The following PNPLA7 variants were observed in gnomAD, a reference collection of about 807,000 sequenced individuals.
PNPLA7 encodes patatin like domain 7, lysophospholipase.
A neutral mutation model predicts 161.7 loss-of-function variants in PNPLA7; 153 were observed. The ratio of observed to expected loss-of-function variants is 0.95; its 90% confidence interval spans 0.83 to 1.08. PNPLA7 has a LOEUF of 1.08. PNPLA7 is among the 50% of genes least tolerant of loss of function. The pLI is 0.00. For synonymous variants in PNPLA7, 809 were observed against 782.1 expected, an observed-to-expected ratio of 1.03 and a Z score of -0.57; for missense variants, 1,739 against 1,856.6, an observed-to-expected ratio of 0.94 and a Z score of 1.16.
chr9:137,548,577 G>A (rs1171413429), intron 1 of PNPLA7, among the ~76,000 whole-genome samples: 2 of 152,094 alleles, frequency 1.3e-5, no homozygotes, highest in Admixed American at 6.5e-5. Flanking sequence ...GTGAAACCCC[G>A]TCTCTACTAA....
chr9:137,531,068 C>A (rs1835557851), intron 8 of PNPLA7, among the ~76,000 whole-genome samples: 1 of 152,180 alleles, frequency 6.6e-6, no homozygotes, highest in Non-Finnish European at 1.5e-5. Context: ...CCGTTCCTTT[C>A]AAAACCTTTA....
At chr9:137,478,646 C>G in intron 24 of PNPLA7, 1 of 182,864 alleles carries the variant, frequency 5.5e-6, no homozygotes, top group Non-Finnish European at 1.1e-5. Context: ...GGGAGCAGCG[C>G]TGGCCTGAGG....
rs773470478 is a variant in PNPLA7 at position 137,497,190 on chromosome 9, G to A, written c.2010C>T (p.Gly670=). The A allele has an allele frequency of 1.1e-5, 18 of 1,575,720 alleles. No homozygotes were observed. The highest frequency in any genetic ancestry group is 2.4e-5 in the East Asian group (1 of 42,142). The change falls in exon 18 of 35, where the codon GGC becomes GGT. Residue 670 remains glycine, a synonymous_variant. Transcript: ENST00000406427. ...AGEYGRGDLV[G]VVETLTHQAR... is the part of the protein sequence containing the mutation. Reference sequence around the variant, plus strand: ...AGGAGCAGGGCCCAGCACCTACCACGCCGACGAGGTCTCCTCGGCCGTACT... The same window carrying A: ...AGGAGCAGGGCCCAGCACCTACCACACCGACGAGGTCTCCTCGGCCGTACT...
In PNPLA7 at chr9:137,524,166, T is replaced by C. The variant is rs575216211; in HGVS notation, c.748-1309A>G. Among the ~76,000 whole-genome samples the C allele has an allele frequency of 6.6e-6, 1 of 152,188 alleles. No individual in the cohort carries two copies. Among genetic ancestry groups the C allele is most frequent in the African/African-American group, 2.4e-5 (1 of 41,582 alleles). On this transcript the variant is annotated intron_variant, in intron 8 of 34. Transcript: ENST00000406427. The surrounding 1 kb of genome is among the most constrained non-coding windows in gnomAD (Gnocchi z 4.4). ...CCCCCGTCTTCTGTCCCAGTGGTTG[T>C]GCCTTTGTCAAAATGTCACATAAAT...
At position 137,467,500 on chromosome 9, in the gene PNPLA7, GGAGT is replaced by G. The variant is rs1271448210; in HGVS notation, c.2883-31_2883-28del. On this transcript the variant is annotated intron_variant, in intron 25 of 34. Coordinates refer to ENST00000406427, the MANE Select transcript of PNPLA7 (RefSeq NM_001098537.3). This position sits in a 1 kb window ranked among gnomAD's most constrained non-coding sequence, Gnocchi z 5.1. ...TACACCAGCCAGGGACACAGAGCAAGGAGTGAGTACCAGGCCCAGGCTGCGCCCT... is the reference window on the plus strand; with the variant it reads ...TACACCAGCCAGGGACACAGAGCAAGGAGTACCAGGCCCAGGCTGCGCCCT... 5 of 1,610,378 alleles carry G rather than the reference GGAGT, an allele frequency of 3.1e-6. No homozygotes were observed. In the African/African-American group the frequency reaches 6.7e-5, roughly 21 times the overall value.
chr9:137,471,106 C>T (rs904284463), intron 25 of PNPLA7, among the ~76,000 whole-genome samples: 4 of 152,216 alleles, frequency 2.6e-5, no homozygotes, highest in South Asian at 4.1e-4. Context: ...AAAGAACGTA[C>T]ATATGCATAT....
intron 8 of PNPLA7, among the ~76,000 whole-genome samples, chr9:137,527,461 G>A (rs1835362272): frequency 6.6e-6 from 1 of 152,140 alleles, no homozygotes; most frequent in African/African-American, 2.4e-5. Context: ...TTTTTATCGT[G>A]AACAGATGCT....
At chr9:137,475,627 G>C (rs1412042355) in intron 25 of PNPLA7, among the ~76,000 whole-genome samples, 1 of 151,484 alleles carries the variant, frequency 6.6e-6, no homozygotes. Context: ...GCCCACCTTG[G>C]CCTCCCAAAG....
At position 137,498,312 on chromosome 9, in the gene PNPLA7, T is replaced by C. The variant is rs558209137; in HGVS notation, c.1758-67A>G. Reference sequence around the variant, plus strand: ...CCCTACCCTTCGCCCAGGGCCGCAGTGCTCGGGAATGGATGGGACCCACAA... The same window carrying C: ...CCCTACCCTTCGCCCAGGGCCGCAGCGCTCGGGAATGGATGGGACCCACAA... On this transcript the variant is annotated intron_variant, in intron 16 of 34. Coordinates refer to ENST00000406427, the MANE Select transcript of PNPLA7 (RefSeq NM_001098537.3). The C allele has an allele frequency of 2.5e-6, 4 of 1,582,750 alleles. No homozygotes were observed. The African/African-American group carries it at 5.3e-5, about 21-fold the overall frequency.
chr9:137,487,362 C>G (rs929306325), intron 20 of PNPLA7, among the ~76,000 whole-genome samples: 28 of 152,250 alleles, frequency 1.8e-4, no homozygotes, highest in Admixed American at 1.8e-3. Flanking sequence ...CCCAAAGTGC[C>G]GGCCTGGAGT....
chr9:137,507,867 T>G (rs994683499), intron 12 of PNPLA7, among the ~76,000 whole-genome samples: 1 of 152,114 alleles, frequency 6.6e-6, no homozygotes, highest in Middle Eastern at 3.4e-3. Flanking sequence ...CTGGACAACA[T>G]AGTGAGAGAC....
In PNPLA7 at chr9:137,515,514, C is replaced by G. The variant is rs751716497; in HGVS notation, c.1090G>C (p.Gly364Arg). ...CCAGCAGCTGCCGGGCGGCCGCCCCCGTGATCTGCTGGGGAGGCAGCCGTA... is the reference window on the plus strand; with the variant it reads ...CCAGCAGCTGCCGGGCGGCCGCCCCGGTGATCTGCTGGGGAGGCAGCCGTA... ...RLQESCDSDHGGGRPAAAGPL... is the reference protein window; with the variant it reads ...RLQESCDSDHRGGRPAAAGPL... Residue 364 changes from glycine to arginine, a missense_variant, in exon 12 of 35, where the codon GGG (glycine) becomes CGG (arginine). Transcript: ENST00000406427. 2.6e-6 allele frequency: 4 copies of G among 1,552,576 alleles called. No homozygotes were observed. Among genetic ancestry groups the G allele is most frequent in the Non-Finnish European group, 3.5e-6 (4 of 1,152,060 alleles).
In PNPLA7 at chr9:137,471,901, G is replaced by C. The variant is rs570305254; in HGVS notation, c.2883-4428C>G. Among the ~76,000 whole-genome samples the C allele has an allele frequency of 2.5e-3, 381 of 152,130 alleles. 7 individuals carry two copies. Among genetic ancestry groups the C allele is most frequent in the East Asian group, 2.5e-3 (13 of 5,192 alleles). Reference sequence around the variant, plus strand: ...TTCACATGCAAATGCAAAGGGCCTAGGACAGCCAAAACAATTAAAGAAAAA... The same window carrying C: ...TTCACATGCAAATGCAAAGGGCCTACGACAGCCAAAACAATTAAAGAAAAA... On this transcript the variant is annotated intron_variant, in intron 25 of 34. Transcript: ENST00000406427.
rs1437812473 is a variant in PNPLA7, at chr9:137,485,298, AGGCC to A, written c.2198-566_2198-563del. Among the ~76,000 whole-genome samples the A allele has an allele frequency of 4.1e-4, 63 of 152,272 alleles. 1 individual carries two copies. The highest frequency in any genetic ancestry group is 1.4e-3 in the African/African-American group (59 of 41,498). ...GTAAACCAGACAAACGCTGCAGGTG[AGGCC>A]TCATCGGAGTAAACCAGACAAACGC... On this transcript the variant is annotated intron_variant, in intron 20 of 34. Transcript: ENST00000406427.
At chr9:137,534,234 ACTGTCCACTCCAG>A (rs1835763897) in intron 8 of PNPLA7, among the ~76,000 whole-genome samples, 1 of 139,464 alleles carries the variant, frequency 7.2e-6, no homozygotes. Flanking sequence ...ACTCCCCAAC[ACTGTCCACTCCAG>A]GCGGGAGCAC....
At chr9:137,503,339 C>T (rs1564322829) in intron 14 of PNPLA7, among the ~76,000 whole-genome samples, 1 of 151,656 alleles carries the variant, frequency 6.6e-6, no homozygotes, top group Non-Finnish European at 1.5e-5. Flanking sequence ...TGAGATGGCA[C>T]CACTGCACTC....
intron 21 of PNPLA7, among the ~76,000 whole-genome samples, chr9:137,482,960 C>T (rs1008629528): frequency 1.3e-5 from 2 of 152,228 alleles, no homozygotes; most frequent in Non-Finnish European, 2.9e-5. Flanking sequence ...GCAACCTCCA[C>T]TTCCCGGGGT....
chr9:137,524,156 C>T lies in PNPLA7; in HGVS notation c.748-1299G>A, dbSNP rs1224971731. On this transcript the variant is annotated intron_variant, in intron 8 of 34. Transcript: ENST00000406427. The surrounding 1 kb of genome is among the most constrained non-coding windows in gnomAD (Gnocchi z 4.4). Reference sequence around the variant, plus strand: ...TGGCAATGCTCCCCCGTCTTCTGTCCCAGTGGTTGTGCCTTTGTCAAAATG... The same window carrying T: ...TGGCAATGCTCCCCCGTCTTCTGTCTCAGTGGTTGTGCCTTTGTCAAAATG... 1.3e-5 allele frequency among the ~76,000 whole-genome samples: 2 copies of T among 152,220 alleles called. No homozygotes were observed. Among genetic ancestry groups the T allele is most frequent in the African/African-American group, 4.8e-5 (2 of 41,458 alleles).
intron 32 of PNPLA7, 52 bp downstream of exon 32, chr9:137,461,879 A>T (rs559154234): frequency 1.4e-6 from 2 of 1,443,082 alleles, no homozygotes; most frequent in South Asian, 1.3e-5. Context: ...CGTGGCCCGA[A>T]GAACTGGGCG....
Sources: gnomAD v4.1 joint callset for allele counts (sites outside exome capture counted in the v4.1 genomes callset) on GRCh38, gnomAD v4.1.1 for gene constraint, Gnocchi (gnomAD v3.1) non-coding constraint, MANE v1.5 for transcripts, NCBI Gene and HGNC (gene_info 2026-07-23, HGNC 2026-07-21) for gene names.